CUBN: variants seen among roughly 807,000 people sequenced by gnomAD.
CUBN encodes the protein 460 kDa receptor.
Under a neutral mutation model 405.3 loss-of-function variants are expected in CUBN, and 282 were observed. The ratio of observed to expected loss-of-function variants is 0.70; its 90% CI spans 0.63 to 0.77. The LOEUF (loss-of-function observed/expected upper bound fraction) is 0.77, where lower values mean the gene tolerates loss of function less well. Ranked by LOEUF, CUBN falls within the 30% of genes least tolerant of loss-of-function variation. CUBN has a pLI of 0.00. For synonymous variants in CUBN, 1,684 were observed against 1,617.0 expected, an observed-to-expected ratio of 1.04 and a Z score of -0.99; for missense variants, 4,514 against 4,475.2, an observed-to-expected ratio of 1.01 and a Z score of -0.25.
At position 16,918,738 on chromosome 10, in the gene CUBN, T is replaced by G; in HGVS notation, c.6884A>C (p.Lys2295Thr). The change falls in exon 45 of 67, where the codon AAA (lysine) becomes ACA (threonine). Residue 2295 changes from lysine to threonine, a missense_variant. Coordinates refer to ENST00000377833, the MANE Select transcript of CUBN (RefSeq NM_001081.4). ...GVDSDAPILS[K>T]FCGTSLPSSQ... ...GCTGGGCAAAGATGTCCCACAAAAT[T>G]TGGAAAGTATTGGTGCATCCGAATC... is the stretch of plus-strand genomic sequence containing the variant. The G allele has an allele frequency of 6.2e-7, 1 of 1,613,942 alleles. No homozygotes were observed. Among genetic ancestry groups the G allele is most frequent in the Non-Finnish European group, 8.5e-7 (1 of 1,179,904 alleles).
At chr10:16,882,126 T>C (rs540053354) in intron 56 of CUBN, among the ~76,000 whole-genome samples, 27 of 152,208 alleles carry the variant, frequency 1.8e-4, no homozygotes, top group Non-Finnish European at 2.9e-4. Context: ...AGAAGCAAGA[T>C]GGATATCACA....
At chr10:17,125,091 T>G (rs1424073939) in intron 4 of CUBN, among the ~76,000 whole-genome samples, 1 of 151,924 alleles carries the variant, frequency 6.6e-6, no homozygotes, top group Non-Finnish European at 1.5e-5. Flanking sequence ...CTCGGCCTCC[T>G]AAAGTGCTGG....
chr10:16,942,752 G>A (rs1169281977), intron 36 of CUBN, among the ~76,000 whole-genome samples: 2 of 145,794 alleles, frequency 1.4e-5, no homozygotes, highest in African/African-American at 5.1e-5. Flanking sequence ...ATGAAAGCAT[G>A]AACAAACAGG....
In CUBN at chr10:17,118,436, TGTTTTGTTTTGTTTC is replaced by T. The variant is rs896773533; in HGVS notation, c.594-2854_594-2840del. 3.3e-5 allele frequency among the ~76,000 whole-genome samples: 5 copies of T among 152,172 alleles called. 1 individual carries two copies. The highest frequency in any genetic ancestry group is 3.3e-4 in the Admixed American group (5 of 15,266). ...GATGCTGCATTTTTATGCACCTTTTTGTTTTGTTTTGTTTCGTTTTGTTTTGAGACAGGGTCTTGT... is the reference window on the plus strand; with the variant it reads ...GATGCTGCATTTTTATGCACCTTTTTGTTTTGTTTTGAGACAGGGTCTTGT... On this transcript the variant is annotated intron_variant, in intron 6 of 66. Transcript: ENST00000377833.
Position 17,080,323 on chromosome 10 carries a change from T to C in CUBN, c.2301+3948A>G, listed in dbSNP as rs368532346. Among the ~76,000 whole-genome samples, 6 of 151,820 alleles carry C rather than the reference T, an allele frequency of 4.0e-5. No individual in the cohort carries two copies. The South Asian group carries it at 8.3e-4, about 21-fold the overall frequency. On this transcript the variant is annotated intron_variant, in intron 17 of 66. Transcript: ENST00000377833. The stretch of plus-strand genomic sequence containing the variant: ...CTTTGTTAATTTACTGGGATTGCCA[T>C]AGAGGTCTAAAATATGATGAATTAG...
At chr10:17,091,564 T>G (rs1836260111) in intron 14 of CUBN, among the ~76,000 whole-genome samples, 1 of 152,112 alleles carries the variant, frequency 6.6e-6, no homozygotes, top group African/African-American at 2.4e-5. Flanking sequence ...ACTATTATCA[T>G]GTTGTAGGTC....
chr10:16,973,296 T>G (rs921543882), intron 31 of CUBN, among the ~76,000 whole-genome samples: 1 of 152,156 alleles, frequency 6.6e-6, no homozygotes, highest in Non-Finnish European at 1.5e-5. Context: ...TCGCCTCCAG[T>G]GTGAACGCTT....
intron 28 of CUBN, among the ~76,000 whole-genome samples, chr10:17,006,872 T>C (rs1046106342): frequency 2.0e-5 from 3 of 152,326 alleles, no homozygotes; most frequent in African/African-American, 7.2e-5. Flanking sequence ...GAGAGGCTGA[T>C]GTCATCTATC....
At chr10:16,844,905 G>A (rs1839470411) in intron 60 of CUBN, among the ~76,000 whole-genome samples, 2 of 152,348 alleles carry the variant, frequency 1.3e-5, no homozygotes, top group East Asian at 3.9e-4. Flanking sequence ...ATTATACGCA[G>A]CTACGGGCCA....
At chr10:17,100,771 T>C (rs934321346) in intron 13 of CUBN, among the ~76,000 whole-genome samples, 1 of 151,862 alleles carries the variant, frequency 6.6e-6, no homozygotes, top group Non-Finnish European at 1.5e-5. Context: ...GTGGGCGGAG[T>C]AGGCGGGATG....
chr10:17,049,305 A>G (rs1163084474), intron 22 of CUBN, among the ~76,000 whole-genome samples: 1 of 152,256 alleles, frequency 6.6e-6, no homozygotes, highest in East Asian at 1.9e-4. Context: ...AGACAGACTC[A>G]TTGACCCACA....
intron 28 of CUBN, among the ~76,000 whole-genome samples, chr10:16,995,718 G>T (rs928458082): frequency 1.2e-4 from 18 of 152,246 alleles, no homozygotes; most frequent in African/African-American, 4.3e-4. Flanking sequence ...AAGCTATCAT[G>T]AATAGCTAGA....
rs1213501836 is a variant in CUBN, at chr10:17,019,901, T to C, written c.4100A>G (p.Gln1367Arg). The C allele has an allele frequency of 6.2e-7, 1 of 1,614,034 alleles. No individual in the cohort carries two copies. The highest frequency in any genetic ancestry group is 8.5e-7 in the Non-Finnish European group (1 of 1,180,014). The change falls in exon 28 of 67, where the codon CAA becomes CGA. Residue 1367 changes from glutamine to arginine, a missense_variant. Physicochemically the swap from Gln to Arg is conservative, Grantham distance 43 (BLOSUM62 1). This residue lies in a region of CUBN where 242 missense variants were observed against 309.0 expected (regional missense o/e 0.78). Coordinates refer to ENST00000377833, the MANE Select transcript of CUBN (RefSeq NM_001081.4). The part of the protein sequence containing the change: ...PPGSTTSSKL[Q>R]VLLLTDGVGR... The stretch of plus-strand genomic sequence containing the variant: ...AACCCCATCTGTAAGGAGCAGCACT[T>C]GAAGCTTGGAGCTTGTAGTACTCCC...
intron 59 of CUBN, among the ~76,000 whole-genome samples, chr10:16,864,393 C>T (rs1046656114): frequency 5.9e-5 from 9 of 152,086 alleles, no homozygotes; most frequent in Admixed American, 3.3e-4. Flanking sequence ...TAGGGTTGGG[C>T]GGGGGGCTTG....
intron 28 of CUBN, among the ~76,000 whole-genome samples, chr10:17,006,227 GA>G (rs1281656009): frequency 1.3e-5 from 2 of 152,208 alleles, no homozygotes; most frequent in African/African-American, 2.4e-5. Flanking sequence ...TTGAATGAAT[GA>G]AAAACTTCTT....
intron 31 of CUBN, among the ~76,000 whole-genome samples, chr10:16,971,830 A>C (rs576636598): frequency 1.3e-5 from 2 of 151,464 alleles, no homozygotes; most frequent in African/African-American, 4.8e-5. Flanking sequence ...CCAACTCTCC[A>C]CTGATTTTGG....
intron 4 of CUBN, among the ~76,000 whole-genome samples, chr10:17,124,950 G>A (rs1837139259): frequency 6.6e-6 from 1 of 151,994 alleles, no homozygotes; most frequent in Non-Finnish European, 1.5e-5. Context: ...TCATGCCTCA[G>A]CCTCCTCAGT....
chr10:16,890,065 G>A (rs1057121595), intron 55 of CUBN, among the ~76,000 whole-genome samples: 3 of 152,116 alleles, frequency 2.0e-5, no homozygotes, highest in South Asian at 2.1e-4. Flanking sequence ...GGTGCCACAG[G>A]CCAGCCACAC....
At chr10:17,067,519 C>G (rs1030041662) in intron 21 of CUBN, among the ~76,000 whole-genome samples, 1 of 152,010 alleles carries the variant, frequency 6.6e-6, no homozygotes, top group African/African-American at 2.4e-5. Context: ...AGTTGTAGAA[C>G]AATTTCAAGT....
Sources: gnomAD v4.1 joint callset for allele counts (sites outside exome capture counted in the v4.1 genomes callset) on GRCh38, gnomAD v4.1.1 for gene constraint, gnomAD v4.1.1 regional missense constraint, MANE v1.5 for transcripts, NCBI Gene and HGNC (gene_info 2026-07-23, HGNC 2026-07-21) for gene names.